Variants in DUOX2 observed in about 807,000 individuals in gnomAD.
DUOX2 encodes the protein dual oxidase 2.
DUOX2 carries 185 observed loss-of-function variants against 183.3 expected under a neutral mutation model. That is an observed-to-expected ratio of 1.01 (90% CI 0.90 to 1.14). The LOEUF (loss-of-function observed/expected upper bound fraction) is 1.14. DUOX2 is among the 50% of genes most tolerant of loss of function. DUOX2 has a pLI of 0.00. For missense variants in DUOX2, 1,999 were observed against 2,022.9 expected, an observed-to-expected ratio of 0.99 and a Z score of 0.23; for synonymous variants, 788 against 812.4, an observed-to-expected ratio of 0.97 and a Z score of 0.51.
intron 5 of DUOX2, 74 bp downstream of exon 5, chr15:45,111,694 G>T (rs1894417847): frequency 6.8e-7 from 1 of 1,460,552 alleles, no homozygotes; most frequent in African/African-American, 1.5e-5. Flanking sequence ...CTCCCCTCCA[G>T]GCCCTGCCAG....
Position 45,106,186 on chromosome 15 carries a change from A to T in DUOX2, c.2087T>A (p.Ile696Asn). 1 of 1,614,194 alleles carries T rather than the reference A, an allele frequency of 6.2e-7. No homozygotes were observed. The highest frequency in any genetic ancestry group is 1.1e-5 in the South Asian group (1 of 91,076). Residue 696 changes from isoleucine to asparagine, a missense_variant, in exon 17 of 34, where the codon ATC (isoleucine) becomes AAC (asparagine). Coordinates refer to ENST00000389039, the MANE Select transcript of DUOX2 (RefSeq NM_001363711.2). Reference sequence around the variant, plus strand: ...GCGGCATCCTCGGTTGTTGGACAGGATGAGGTTGACCTGCTGCAGAGGCTG... The same window carrying T: ...GCGGCATCCTCGGTTGTTGGACAGGTTGAGGTTGACCTGCTGCAGAGGCTG... ...QLQPLQQVNL[I>N]LSNNRGCRTL...
Position 45,111,874 on chromosome 15 carries a change from C to T in DUOX2, c.407G>A (p.Gly136Glu). ...AEFLNIRIPPGDPVFDPDQRG... is the reference protein window; with the variant it reads ...AEFLNIRIPPEDPVFDPDQRG... The stretch of plus-strand genomic sequence containing the variant: ...CTGGTCGGGGTCGAACACGGGGTCT[C>T]CAGGTGGGATGCGGATGTTGAGGAA... The change falls in exon 5 of 34, where the codon GGA becomes GAA. Residue 136 changes from glycine (G) to glutamate (E), a missense_variant. Gly to Glu is a moderately conservative substitution (Grantham distance 98). Around this residue, in one of 3 missense-constraint regions of DUOX2, gnomAD observed 356 missense variants for 356.4 expected, o/e 1.00. Transcript: ENST00000389039. The T allele has an allele frequency of 6.2e-7, 1 of 1,613,844 alleles. No individual in the cohort carries two copies. Among genetic ancestry groups the T allele is most frequent in the South Asian group, 1.1e-5 (1 of 91,084 alleles).
rs760616984 is a variant in DUOX2 at position 45,096,027 on chromosome 15, C to G, written c.3881G>C (p.Gly1294Ala). The G allele has an allele frequency of 9.9e-6, 16 of 1,614,082 alleles. No individual in the cohort carries two copies. Among genetic ancestry groups the G allele is most frequent in the South Asian group, 7.7e-5 (7 of 91,068 alleles). ...VTYLQFQRPQ[G>A]FEYKSGQWVR... Reference sequence around the variant, plus strand: ...CCACTGTCCTGACTTGTACTCAAAGCCTTGGGGCCTCTGGAATTGCAGGTA... The same window carrying G: ...CCACTGTCCTGACTTGTACTCAAAGGCTTGGGGCCTCTGGAATTGCAGGTA... Residue 1294 changes from glycine to alanine, a missense_variant, in exon 30 of 34, where the codon GGC becomes GCC. Physicochemically the swap from Gly to Ala is moderately conservative, Grantham distance 60. Coordinates refer to ENST00000389039, the MANE Select transcript of DUOX2 (RefSeq NM_001363711.2).
chr15:45,108,726 G>A, intron 12 of DUOX2, 63 bp downstream of exon 12: 1 of 1,534,394 alleles, frequency 6.5e-7, no homozygotes, highest in East Asian at 2.2e-5. Context: ...ATATGTAAAG[G>A]GTTTGGAACA....
chr15:45,111,854 C>A lies in DUOX2; in HGVS notation c.427G>T (p.Asp143Tyr), dbSNP rs371464257. ...GGCAGCACCACGTCCCCGCGCTGGT[C>A]GGGGTCGAACACGGGGTCTCCAGGT... ...IPPGDPVFDPDQRGDVVLPFQ... is the reference protein window; with the variant it reads ...IPPGDPVFDPYQRGDVVLPFQ... Residue 143 changes from aspartate to tyrosine, a missense_variant, in exon 5 of 34, where the codon GAC (aspartate) becomes TAC (tyrosine). Asp to Tyr is a radical substitution (Grantham distance 160). Transcript: ENST00000389039. 3.7e-6 allele frequency: 6 copies of A among 1,613,492 alleles called. No individual in the cohort carries two copies. In the Admixed American group the frequency reaches 6.7e-5, roughly 18 times the overall value.
rs774556391 is a variant in DUOX2, at chr15:45,103,979, C to T, written c.2635G>A (p.Glu879Lys). 92 of 1,614,112 alleles carry T rather than the reference C, an allele frequency of 5.7e-5. No homozygotes were observed. In the East Asian group the frequency reaches 9.8e-4, roughly 17 times the overall value. Residue 879 changes from glutamate to lysine, a missense_variant, in exon 20 of 34, where the codon GAA becomes AAA. This residue lies in a region of DUOX2 where 1,628 missense variants were observed against 1,608.6 expected (regional missense o/e 1.01). Coordinates refer to ENST00000389039, the MANE Select transcript of DUOX2 (RefSeq NM_001363711.2). ...CCATACCGCATCATGGTGAAGAATT[C>T]GTCCTTGGAGAGGAAGCCATTCTCA... is the stretch of plus-strand genomic sequence containing the variant. Reference protein sequence around the residue: ...LDENGFLSKDEFFTMMRSFIE... With the variant: ...LDENGFLSKDKFFTMMRSFIE...
intron 28 of DUOX2, 25 bp from the exon 29 acceptor site, chr15:45,097,416 A>C: frequency 6.2e-7 from 1 of 1,614,076 alleles, no homozygotes; most frequent in Non-Finnish European, 8.5e-7. Context: ...AGTTAGTACA[A>C]CTCAGGCCCA....
rs771388706 is a variant in DUOX2 at position 45,112,701 on chromosome 15, G to A, written c.178C>T (p.Arg60Cys). The A allele has an allele frequency of 3.1e-6, 5 of 1,612,092 alleles. No individual in the cohort carries two copies. Among genetic ancestry groups the A allele is most frequent in the Non-Finnish European group, 4.2e-6 (5 of 1,179,878 alleles). The change falls in exon 4 of 34, where the codon CGC becomes TGC. Residue 60 changes from arginine (R) to cysteine (C), a missense_variant. Physicochemically the swap from Arg to Cys is radical, Grantham distance 180. Around this residue, in one of 3 missense-constraint regions of DUOX2, gnomAD observed 356 missense variants for 356.4 expected, o/e 1.00. Transcript: ENST00000389039. ...RGAVGCRLQR[R>C]VPANYADGVY... ...CCGTCGGCGTAATTGGCTGGTACGC[G>A]GCGCTGCAACCGGCAGCCTGCGGAG... is the stretch of plus-strand genomic sequence containing the variant.
chr15:45,108,142 A>G lies in DUOX2; in HGVS notation c.1479T>C (p.His493=), dbSNP rs914659074. The change falls in exon 13 of 34, where the codon CAT becomes CAC. Residue 493 remains histidine, a synonymous_variant. Transcript: ENST00000389039. The part of the protein sequence containing the change: ...ELLLGGLLES[H]GDPGPLFSAI... ...CACTGAACAGGGGTCCAGGGTCCCCATGGCTCTCCAGGAGCCCCCCAAGGA... is the reference window on the plus strand; with the variant it reads ...CACTGAACAGGGGTCCAGGGTCCCCGTGGCTCTCCAGGAGCCCCCCAAGGA... The G allele has an allele frequency of 1.2e-6, 2 of 1,614,122 alleles. No homozygotes were observed. The highest frequency in any genetic ancestry group is 1.7e-6 in the Non-Finnish European group (2 of 1,179,990).
In DUOX2 at chr15:45,093,219, G is replaced by C. The variant is rs946762198; in HGVS notation, c.*931C>G. The C allele has an allele frequency of 1.3e-5, 2 of 152,232 alleles. No individual in the cohort carries two copies. Among genetic ancestry groups the C allele is most frequent in the Non-Finnish European group, 2.9e-5 (2 of 68,080 alleles). 9.4% of individuals were successfully genotyped at this position (152,232 alleles called of 1,614,324 possible). A position where few individuals can be genotyped will look rare whatever the true frequency, so the allele number is the denominator to read the frequency against. ...TTTCCTGGGGCAAGAGACTTTCAGT[G>C]CTAAAACAGGGAGAGTCCTGGGCAA... On this transcript the variant is annotated 3_prime_UTR_variant, in exon 34 of 34. Transcript: ENST00000389039.
chr15:45,102,000 A>G lies in DUOX2; in HGVS notation c.2655-11T>C. 6.2e-7 allele frequency: 1 copy of G among 1,613,968 alleles called. No homozygotes were observed. On this transcript the variant is annotated splice_polypyrimidine_tract_variant and intron_variant, in intron 20 of 33. Transcript: ENST00000389039. The stretch of plus-strand genomic sequence containing the variant: ...ATCTCGATGAAGGATCTGGAGGAGG[A>G]CCAGAGACACAGCAGCCTGTCACCC...
Position 45,099,050 on chromosome 15 carries a change from G to A in DUOX2, c.3515+333C>T, listed in dbSNP as rs566531983. On this transcript the variant is annotated intron_variant, in intron 26 of 33. Coordinates refer to ENST00000389039, the MANE Select transcript of DUOX2 (RefSeq NM_001363711.2). ...TTTTGAGACGGAGTCTCACTCTTTCGCCCAAGCTGGACTGCAGTGGCGCTA... is the reference window on the plus strand; with the variant it reads ...TTTTGAGACGGAGTCTCACTCTTTCACCCAAGCTGGACTGCAGTGGCGCTA... 4.2e-4 allele frequency: 94 copies of A among 222,450 alleles called. 1 individual carries two copies. Among genetic ancestry groups the A allele is most frequent in the African/African-American group, 2.0e-3 (82 of 41,202 alleles). The allele number at this position is 222,450 out of a possible 1,614,324, so 13.8% of individuals were successfully genotyped here.
At position 45,094,617 on chromosome 15, in the gene DUOX2, A is replaced by G; in HGVS notation, c.4470T>C (p.Phe1490=). 6.2e-7 allele frequency: 1 copy of G among 1,614,098 alleles called. No homozygotes were observed. Among genetic ancestry groups the G allele is most frequent in the South Asian group, 1.1e-5 (1 of 91,072 alleles). The change falls in exon 33 of 34, where the codon TTT becomes TTC. Residue 1490 remains phenylalanine, a synonymous_variant. Transcript: ENST00000389039. ...LFTGLRSITH[F]GRPPFEPFFN... ...AGAAGGGCTCGAAGGGGGGACGGCC[A>G]AAGTGGGTGATGGAGCGCAGGCCCG...
intron 29 of DUOX2, among the ~76,000 whole-genome samples, chr15:45,096,858 G>A (rs1893916073): frequency 6.6e-6 from 1 of 152,158 alleles, no homozygotes; most frequent in African/African-American, 2.4e-5. Flanking sequence ...AACCCAGACT[G>A]GCAATCTGGG....
At chr15:45,107,848 C>A (rs1179195249) in intron 13 of DUOX2, among the ~76,000 whole-genome samples, 199 bp downstream of exon 13, 53 of 25,254 alleles carry the variant, frequency 2.1e-3, no homozygotes, top group African/African-American at 8.6e-3. Context: ...TAGACTCTGC[C>A]TCAAAAAAAA....
intron 22 of DUOX2, 94 bp from the exon 23 acceptor site, chr15:45,100,932 C>A: frequency 1.2e-6 from 1 of 864,232 alleles, no homozygotes; most frequent in Admixed American, 2.0e-5. Context: ...GGGAGTGGCT[C>A]CTGGTACCAG....
intron 14 of DUOX2, 51 bp downstream of exon 14, chr15:45,107,294 T>C: frequency 1.2e-6 from 2 of 1,605,770 alleles, no homozygotes; most frequent in South Asian, 2.2e-5. Context: ...CCCTCAATCT[T>C]GATCCTTCTC....
chr15:45,114,079 C>A lies in DUOX2; in HGVS notation c.-121G>T. The A allele has an allele frequency of 4.8e-6, 1 of 207,862 alleles. No homozygotes were observed. The highest frequency in any genetic ancestry group is 8.6e-5 in the South Asian group (1 of 11,596). The allele number at this position is 207,862 out of a possible 1,614,324, so 12.9% of individuals were successfully genotyped here. A position where few individuals can be genotyped will look rare whatever the true frequency, so the allele number is the denominator to read the frequency against. The stretch of plus-strand genomic sequence containing the variant: ...CCCTCACTCTTCCAGCTCCGCCGAT[C>A]CTCAGCCTCCCCGGCTGCACTCTCA... On this transcript the variant is annotated 5_prime_UTR_variant, in exon 1 of 34. Transcript: ENST00000389039.
At chr15:45,103,590 ACT>A (rs1161125823) in intron 20 of DUOX2, among the ~76,000 whole-genome samples, 1 of 152,202 alleles carries the variant, frequency 6.6e-6, no homozygotes, top group Non-Finnish European at 1.5e-5. Context: ...TCATCCATTC[ACT>A]GTTTCACTGG....
Sources: allele counts gnomAD v4.1 joint callset (sites outside exome capture counted in the v4.1 genomes callset), GRCh38; gene constraint gnomAD v4.1.1; regional missense constraint gnomAD v4.1.1; transcripts MANE v1.5; gene names NCBI Gene and HGNC (gene_info 2026-07-23, HGNC 2026-07-21).